CYSLTR2: variants seen among roughly 807,000 people sequenced by gnomAD.
CYSLTR2 encodes G-protein coupled receptor GPCR21.
For missense variants in CYSLTR2, 398 were observed against 411.9 expected (o/e 0.97, Z 0.29); for synonymous variants, 179 against 160.8 (o/e 1.11, Z -0.86).
At position 48,707,425 on chromosome 13, in the gene CYSLTR2, A is replaced by C. The variant is rs200456558; in HGVS notation, c.608A>C (p.Tyr203Ser). ...ATTGCTAAGCTGCAGACCATGAACT[A>C]TATTGCCTTGGTGGTGGGCTGCCTG... Reference protein sequence around the residue: ...YKIAKLQTMNYIALVVGCLLP... With the variant: ...YKIAKLQTMNSIALVVGCLLP... The change falls in exon 5 of 5, where the codon TAT (tyrosine) becomes TCT (serine). Residue 203 changes from tyrosine (Y) to serine (S), a missense_variant. By Grantham distance (144) the Tyr-to-Ser change is moderately radical. Transcript: ENST00000682523. 9 of 1,614,114 alleles carry C rather than the reference A, an allele frequency of 5.6e-6. No individual in the cohort carries two copies. Among genetic ancestry groups the C allele is most frequent in the South Asian group, 1.1e-5 (1 of 91,082 alleles).
intron 4 of CYSLTR2, among the ~76,000 whole-genome samples, chr13:48,704,068 G>A (rs1485441702): frequency 2.6e-5 from 4 of 152,142 alleles, no homozygotes; most frequent in Non-Finnish European, 5.9e-5. Flanking sequence ...TCTATCGATA[G>A]TGTTATCTCC....
At chr13:48,663,408 G>A (rs1324337136) in intron 1 of CYSLTR2, among the ~76,000 whole-genome samples, 1 of 152,114 alleles carries the variant, frequency 6.6e-6, no homozygotes, top group Non-Finnish European at 1.5e-5. Context: ...GAATTGCATT[G>A]AATCTGTAGG....
rs1463007581 is a variant in CYSLTR2 at position 48,709,900 on chromosome 13, G to C, written c.*2042G>C. ...AGGACTCTTAAAGGACTCTAGGAGA[G>C]ATGTCTCCCAGAAAAAGAAGAAATT... On this transcript the variant is annotated 3_prime_UTR_variant, in exon 5 of 5. Transcript: ENST00000682523. 1 of 152,176 alleles carries C rather than the reference G, an allele frequency of 6.6e-6. No homozygotes were observed. The highest frequency in any genetic ancestry group is 2.4e-5 in the African/African-American group (1 of 41,442). 9.4% of individuals were successfully genotyped at this position (152,176 alleles called of 1,614,324 possible).
chr13:48,689,175 A>C (rs930879638), intron 1 of CYSLTR2, among the ~76,000 whole-genome samples: 1 of 152,004 alleles, frequency 6.6e-6, no homozygotes, highest in Non-Finnish European at 1.5e-5. Context: ...CAGATGGATA[A>C]ATTGCAAAAA....
chr13:48,662,766 T>C (rs1953163014), intron 1 of CYSLTR2, among the ~76,000 whole-genome samples: 1 of 152,228 alleles, frequency 6.6e-6, no homozygotes, highest in Non-Finnish European at 1.5e-5. Flanking sequence ...GTCAGATTAG[T>C]AGCTTGCAAA....
chr13:48,698,462 A>G (rs566737249), intron 4 of CYSLTR2, among the ~76,000 whole-genome samples: 108 of 152,332 alleles, frequency 7.1e-4, no homozygotes, highest in African/African-American at 2.5e-3. Context: ...TTTACAGACA[A>G]GCAAATGCTG....
chr13:48,668,552 C>T (rs1329482283), intron 1 of CYSLTR2, among the ~76,000 whole-genome samples: 1 of 152,014 alleles, frequency 6.6e-6, no homozygotes, highest in Non-Finnish European at 1.5e-5. Context: ...TCTTGGAGCC[C>T]TCATCAGATA....
intron 1 of CYSLTR2, among the ~76,000 whole-genome samples, chr13:48,674,169 G>T (rs1953531402): frequency 6.6e-6 from 1 of 152,154 alleles, no homozygotes; most frequent in Admixed American, 6.5e-5. Flanking sequence ...ATGTTGGCCT[G>T]TCTTGCTAGG....
intron 1 of CYSLTR2, among the ~76,000 whole-genome samples, chr13:48,680,766 G>T (rs1403139216): frequency 3.4e-5 from 5 of 145,122 alleles, no homozygotes; most frequent in Non-Finnish European, 4.5e-5. Flanking sequence ...TCTAGCAGAC[G>T]ATTTTCTTTT....
At position 48,707,860 on chromosome 13, in the gene CYSLTR2, G is replaced by A; in HGVS notation, c.*2G>A. 6.6e-7 allele frequency: 1 copy of A among 1,518,096 alleles called. No individual in the cohort carries two copies. 94.0% of individuals were successfully genotyped at this position (1,518,096 alleles called of 1,614,324 possible). On this transcript the variant is annotated 3_prime_UTR_variant, in exon 5 of 5. Transcript: ENST00000682523. ...TTGAGAAAGGAAACAAGAGTATAAG[G>A]AGCTCTTAGATGAGACCTGTTCTTG...
chr13:48,663,676 TG>T (rs1415743394), intron 1 of CYSLTR2, among the ~76,000 whole-genome samples: 1 of 152,092 alleles, frequency 6.6e-6, no homozygotes, highest in East Asian at 1.9e-4. Flanking sequence ...TACTGATGTT[TG>T]TATATTAATT....
At position 48,707,722 on chromosome 13, in the gene CYSLTR2, C is replaced by A; in HGVS notation, c.905C>A (p.Pro302His). The A allele has an allele frequency of 6.2e-7, 1 of 1,612,606 alleles. No individual in the cohort carries two copies. Among genetic ancestry groups the A allele is most frequent in the Non-Finnish European group, 8.5e-7 (1 of 1,178,964 alleles). Residue 302 changes from proline (P) to histidine (H), a missense_variant, in exon 5 of 5, where the codon CCT becomes CAT. Physicochemically the swap from Pro to His is moderately conservative, Grantham distance 77 (BLOSUM62 -2). Transcript: ENST00000682523. ...GCAGCAGCCAATGCCTGCTTCAATC[C>A]TCTGCTCTATTACTTTGCTGGGGAG... ...ALAAANACFN[P>H]LLYYFAGENF...
intron 1 of CYSLTR2, among the ~76,000 whole-genome samples, chr13:48,678,384 C>T (rs1953658105): frequency 6.6e-6 from 1 of 152,090 alleles, no homozygotes; most frequent in Non-Finnish European, 1.5e-5. Flanking sequence ...CAAGTCTTGG[C>T]ATTGTGTTCT....
intron 4 of CYSLTR2, among the ~76,000 whole-genome samples, chr13:48,699,115 A>C (rs1954273839): frequency 6.6e-6 from 1 of 152,224 alleles, no homozygotes; most frequent in Admixed American, 6.5e-5. Flanking sequence ...CAGATCAACA[A>C]GACAGAAAGT....
chr13:48,673,757 G>A (rs1430262620), intron 1 of CYSLTR2, among the ~76,000 whole-genome samples: 1 of 152,016 alleles, frequency 6.6e-6, no homozygotes, highest in Admixed American at 6.6e-5. Context: ...GCACTAGCTG[G>A]TACCGGTTTT....
intron 1 of CYSLTR2, among the ~76,000 whole-genome samples, chr13:48,684,396 T>C (rs1264348927): frequency 6.6e-6 from 1 of 151,648 alleles, no homozygotes; most frequent in Non-Finnish European, 1.5e-5. Context: ...CCATAAGGTA[T>C]AAAAAGTAAA....
chr13:48,688,099 G>A (rs536977834), intron 1 of CYSLTR2, among the ~76,000 whole-genome samples: 1 of 152,164 alleles, frequency 6.6e-6, no homozygotes, highest in East Asian at 1.9e-4. Context: ...TTGCTGATAG[G>A]CTTGTGAGGA....
intron 1 of CYSLTR2, among the ~76,000 whole-genome samples, chr13:48,686,189 G>A (rs1164019573): frequency 2.0e-5 from 3 of 152,118 alleles, no homozygotes; most frequent in Non-Finnish European, 4.4e-5. Flanking sequence ...TATTCTTGCT[G>A]CATCAGAAAT....
rs1953662930 is a variant in CYSLTR2, at chr13:48,678,525, C to A, written c.-265-12687C>A. Among the ~76,000 whole-genome samples the A allele has an allele frequency of 2.0e-5, 3 of 152,094 alleles. No homozygotes were observed. The South Asian group carries it at 6.2e-4, about 32-fold the overall frequency. On this transcript the variant is annotated intron_variant, in intron 1 of 4. Transcript: ENST00000682523. ...TGTTCTCACACCCCCGCTGTGCGAG[C>A]CTCTCCACTCCTCTGGCTTCAGTTA...
Sources: gnomAD v4.1 joint callset for allele counts (sites outside exome capture counted in the v4.1 genomes callset) on GRCh38, gnomAD v4.1.1 for gene constraint, MANE v1.5 for transcripts, NCBI Gene and HGNC (gene_info 2026-07-23, HGNC 2026-07-21) for gene names.